Variants in MLLT10 observed in about 807,000 individuals in gnomAD.
The protein encoded by MLLT10 is protein AF-10.
A neutral mutation model predicts 129.1 loss-of-function variants in MLLT10; 30 were observed. That is an observed-to-expected ratio of 0.23 (90% CI 0.17 to 0.32). The LOEUF (loss-of-function observed/expected upper bound fraction) is 0.32. Ranked by LOEUF, MLLT10 falls within the 10% of genes least tolerant of loss-of-function variation. The probability of loss-of-function intolerance (pLI) is 1.00; values close to 1 mark genes in which losing one functional copy is unlikely to be tolerated. For synonymous variants in MLLT10, 490 were observed against 446.4 expected (o/e 1.10, Z -1.23); for missense variants, 1,119 against 1,268.3 (o/e 0.88, Z 1.79).
chr10:21,675,535 A>G (rs1269463808), intron 11 of MLLT10, among the ~76,000 whole-genome samples: 1 of 152,240 alleles, frequency 6.6e-6, no homozygotes, highest in Non-Finnish European at 1.5e-5. Flanking sequence ...TTCATAGAAA[A>G]GGTTTAAATA....
chr10:21,661,890 A>G (rs2050248782), intron 9 of MLLT10: 2 of 152,182 alleles, frequency 1.3e-5, no homozygotes, highest in South Asian at 4.1e-4. Context: ...TATTGATATA[A>G]TTGGGTTAAT....
intron 3 of MLLT10, among the ~76,000 whole-genome samples, chr10:21,554,568 C>G (rs1401556313): frequency 6.6e-6 from 1 of 151,820 alleles, no homozygotes; most frequent in African/African-American, 2.4e-5. Flanking sequence ...ATTCCCCTGC[C>G]TCAGCCTACC....
intron 4 of MLLT10, among the ~76,000 whole-genome samples, chr10:21,589,080 A>G (rs1235088174): frequency 4.0e-5 from 6 of 151,800 alleles, no homozygotes; most frequent in Non-Finnish European, 1.5e-5. Context: ...CCCAGCCACA[A>G]TTGTTGATCT....
chr10:21,644,057 G>A (rs921299785), intron 8 of MLLT10, among the ~76,000 whole-genome samples: 2 of 152,016 alleles, frequency 1.3e-5, no homozygotes, highest in African/African-American at 2.4e-5. Flanking sequence ...TAATGATACC[G>A]TTTTAGTCTT....
intron 13 of MLLT10, among the ~76,000 whole-genome samples, chr10:21,711,598 A>T (rs979534247): frequency 2.1e-5 from 3 of 146,270 alleles, no homozygotes; most frequent in Non-Finnish European, 3.0e-5. Context: ...AAAAAAAAAA[A>T]AGCCAGGTGT....
chr10:21,625,176 A>G (rs1472081652), intron 8 of MLLT10: 24 of 1,449,688 alleles, frequency 1.7e-5, no homozygotes, highest in Non-Finnish European at 2.2e-5. Flanking sequence ...TAATCTTCAT[A>G]TGCAGTGCTT....
chr10:21,570,390 C>T (rs2040075836), intron 3 of MLLT10, among the ~76,000 whole-genome samples: 2 of 152,152 alleles, frequency 1.3e-5, no homozygotes, highest in African/African-American at 4.8e-5. Context: ...TTCATGTTTC[C>T]AGTGACTGAT....
At chr10:21,595,906 TA>T (rs1161754155) in intron 5 of MLLT10, among the ~76,000 whole-genome samples, 6 of 151,164 alleles carry the variant, frequency 4.0e-5, no homozygotes, top group African/African-American at 7.3e-5. Context: ...TTGTTGGCCT[TA>T]AAAAAAAAGT....
At chr10:21,598,917 C>T (rs190421609) in intron 5 of MLLT10, among the ~76,000 whole-genome samples, 3 of 151,960 alleles carry the variant, frequency 2.0e-5, no homozygotes, top group East Asian at 3.9e-4. Context: ...TGCTGACTCA[C>T]GCCTGTAATC....
intron 15 of MLLT10, 51 bp from the exon 16 acceptor site, chr10:21,727,805 C>A: frequency 6.9e-7 from 1 of 1,448,742 alleles, no homozygotes; most frequent in Non-Finnish European, 9.7e-7. Flanking sequence ...AGTTTAAAAC[C>A]TCTTATCTAG....
chr10:21,722,724 T>G (rs1231277619), intron 14 of MLLT10, among the ~76,000 whole-genome samples: 1 of 151,864 alleles, frequency 6.6e-6, no homozygotes, highest in Non-Finnish European at 1.5e-5. Flanking sequence ...AAGGTGGGGG[T>G]TTCTTGGCTT....
In MLLT10 at chr10:21,670,715, T is replaced by A. The variant is rs190588140; in HGVS notation, c.1051+11T>A. 9 of 1,600,842 alleles carry A rather than the reference T, an allele frequency of 5.6e-6. No homozygotes were observed. The East Asian group carries it at 1.8e-4, about 32-fold the overall frequency. On this transcript the variant is annotated intron_variant, in intron 10 of 22. Transcript: ENST00000307729. ...GCCCTTTTCCTCAAGGTATTAGTGA[T>A]GTTTTAGTTAAAATACTTGTGTTTA...
chr10:21,658,745 G>C (rs1010226771), intron 9 of MLLT10, among the ~76,000 whole-genome samples: 1 of 152,052 alleles, frequency 6.6e-6, no homozygotes, highest in African/African-American at 2.4e-5. Context: ...GCTCACTGCA[G>C]CCTCTGCCTC....
intron 13 of MLLT10, among the ~76,000 whole-genome samples, chr10:21,696,799 A>C (rs2054403275): frequency 6.6e-6 from 1 of 152,136 alleles, no homozygotes; most frequent in South Asian, 2.1e-4. Context: ...TGTCTAAAAT[A>C]TTACAATAGC....
chr10:21,742,244 T>G lies in MLLT10; in HGVS notation c.*261T>G. 3 of 385,758 alleles carry G rather than the reference T, an allele frequency of 7.8e-6. No individual in the cohort carries two copies. The highest frequency in any genetic ancestry group is 9.2e-6 in the Non-Finnish European group (2 of 217,124). The allele number at this position is 385,758 out of a possible 1,614,324, so 23.9% of individuals were successfully genotyped here. On this transcript the variant is annotated 3_prime_UTR_variant, in exon 23 of 23. Transcript: ENST00000307729. ...AAGAAAATTTAATAACTTTTTAAAG[T>G]GACATAATTTACATGCAATATGTTT...
At chr10:21,616,026 A>G (rs2045217810) in intron 7 of MLLT10, among the ~76,000 whole-genome samples, 1 of 152,114 alleles carries the variant, frequency 6.6e-6, no homozygotes, top group African/African-American at 2.4e-5. Context: ...TTGAAAATAA[A>G]TACTACAAGG....
At chr10:21,537,167 G>C (rs2034182439) in intron 2 of MLLT10, among the ~76,000 whole-genome samples, 1 of 152,104 alleles carries the variant, frequency 6.6e-6, no homozygotes, top group Admixed American at 6.5e-5. Flanking sequence ...GAGCTGCCTT[G>C]CCTGGTCCTA....
chr10:21,616,884 T>G (rs1248203249), intron 7 of MLLT10, among the ~76,000 whole-genome samples: 4 of 152,000 alleles, frequency 2.6e-5, no homozygotes, highest in Non-Finnish European at 5.9e-5. Flanking sequence ...TTTCACACAT[T>G]TTAATTAATT....
chr10:21,738,827 C>T (rs889836226), intron 21 of MLLT10, among the ~76,000 whole-genome samples: 1 of 152,098 alleles, frequency 6.6e-6, no homozygotes, highest in African/African-American at 2.4e-5. Context: ...CCTGGGTCCT[C>T]CTCTTCAGCC....
Sources: allele counts gnomAD v4.1 joint callset (sites outside exome capture counted in the v4.1 genomes callset), GRCh38; gene constraint gnomAD v4.1.1; transcripts MANE v1.5; gene names NCBI Gene and HGNC (gene_info 2026-07-23, HGNC 2026-07-21).